The following ACOXL variants were observed in gnomAD, a reference collection of about 807,000 sequenced individuals.
ACOXL encodes acyl-coenzyme A oxidase-like protein.
A neutral mutation model predicts 71.9 loss-of-function variants in ACOXL; 70 were observed. That is an observed-to-expected ratio of 0.97 (90% confidence interval 0.80 to 1.19). ACOXL has a LOEUF of 1.19. Among genes scored for constraint, ACOXL ranks in the 50% most tolerant of loss-of-function variants. The pLI is 0.00. For synonymous variants in ACOXL, 253 were observed against 281.6 expected (o/e 0.90, Z 1.02); for missense variants, 703 against 736.3 (o/e 0.95, Z 0.52).
chr2:110,763,093 A>G (rs545215060), intron 1 of ACOXL, among the ~76,000 whole-genome samples: 14 of 152,340 alleles, frequency 9.2e-5, no homozygotes, highest in South Asian at 2.1e-4. Context: ...GGGATATTCT[A>G]TGTTCATGGA....
chr2:110,791,971 A>C (rs922213334), intron 3 of ACOXL, among the ~76,000 whole-genome samples: 6 of 151,980 alleles, frequency 3.9e-5, no homozygotes, highest in Admixed American at 3.3e-4. Flanking sequence ...CCTTCCCCCA[A>C]CCGGGTCCTC....
chr2:111,031,118 G>T (rs2065244338), intron 14 of ACOXL, among the ~76,000 whole-genome samples: 4 of 152,192 alleles, frequency 2.6e-5, no homozygotes, highest in Admixed American at 2.6e-4. Context: ...CCTATCTCCA[G>T]GTTTATGTTA....
intron 16 of ACOXL, among the ~76,000 whole-genome samples, chr2:111,092,341 C>T (rs2068570091): frequency 6.6e-6 from 1 of 152,166 alleles, no homozygotes; most frequent in Admixed American, 6.5e-5. Flanking sequence ...TGATGTGATG[C>T]AGAAGCTCTG....
chr2:110,846,639 A>ACGCGCG (rs199684051), intron 10 of ACOXL, among the ~76,000 whole-genome samples: 32 of 140,036 alleles, frequency 2.3e-4, no homozygotes, highest in African/African-American at 8.5e-4. Flanking sequence ...GTATGCATAC[A>ACGCGCG]CGCACACACA....
intron 1 of ACOXL, among the ~76,000 whole-genome samples, chr2:110,756,799 GTCTA>G (rs1326865075): frequency 6.6e-6 from 1 of 151,728 alleles, no homozygotes; most frequent in East Asian, 1.9e-4. Context: ...TATTCTATTG[GTCTA>G]TCTGCCTGTT....
At chr2:110,945,304 T>C (rs1321060728) in intron 12 of ACOXL, among the ~76,000 whole-genome samples, 1 of 152,196 alleles carries the variant, frequency 6.6e-6, no homozygotes, top group Non-Finnish European at 1.5e-5. Flanking sequence ...GTTTACTCTG[T>C]TGATAGTTTC....
chr2:110,995,828 T>C, intron 13 of ACOXL, 65 bp from the exon 14 acceptor site: 2 of 1,302,914 alleles, frequency 1.5e-6, no homozygotes, highest in Non-Finnish European at 1.1e-6. Context: ...CCTACTCTAT[T>C]TCTTTCAAAT....
chr2:110,796,906 A>G lies in ACOXL; in HGVS notation c.346-1704A>G, dbSNP rs1167566090. Among the ~76,000 whole-genome samples, 8 of 152,222 alleles carry G rather than the reference A, an allele frequency of 5.3e-5. 1 individual carries two copies. The South Asian group carries it at 1.0e-3, about 20-fold the overall frequency. On this transcript the variant is annotated intron_variant, in intron 5 of 17. Transcript: ENST00000439055. ...CTTGGCCAGCGGGAAAGTGTTGTCT[A>G]TATACTTTATAGTCTGAAATCTGAG...
At chr2:111,035,934 G>A (rs1404180765) in intron 15 of ACOXL, among the ~76,000 whole-genome samples, 1 of 152,136 alleles carries the variant, frequency 6.6e-6, no homozygotes, top group African/African-American at 2.4e-5. Context: ...CATCCTCTAG[G>A]AAATTACGGG....
intron 10 of ACOXL, among the ~76,000 whole-genome samples, chr2:110,896,640 T>A (rs6758344): frequency 0.31 from 47,364 of 152,026 alleles, 7,736 homozygotes; most frequent in Middle Eastern, 0.38. Flanking sequence ...ATAAAAGGAC[T>A]TTCAGTAATG....
At chr2:110,784,457 C>T (rs892022483) in intron 2 of ACOXL, among the ~76,000 whole-genome samples, 4 of 152,030 alleles carry the variant, frequency 2.6e-5, no homozygotes, top group East Asian at 1.9e-4. Context: ...GCGAGTCGGT[C>T]GCAGGGTTGC....
intron 12 of ACOXL, among the ~76,000 whole-genome samples, chr2:110,939,395 G>A (rs1482283685): frequency 6.6e-6 from 1 of 152,160 alleles, no homozygotes; most frequent in Non-Finnish European, 1.5e-5. Context: ...TTTCTGTGCA[G>A]TGGGTGTGTG....
chr2:111,013,738 A>G lies in ACOXL; in HGVS notation c.1281+17734A>G, dbSNP rs548174246. On this transcript the variant is annotated intron_variant, in intron 14 of 17. Transcript: ENST00000439055. ...TGGTTTTACTGTTGAATTCTATCAA[A>G]CATTTAAAGACAAAATAGTATCAGT... is the stretch of plus-strand genomic sequence containing the variant. 1.1e-4 allele frequency among the ~76,000 whole-genome samples: 16 copies of G among 152,304 alleles called. 1 individual carries two copies. Among genetic ancestry groups the G allele is most frequent in the Non-Finnish European group, 2.9e-5 (2 of 68,020 alleles).
chr2:110,868,490 T>C (rs1694883577), intron 10 of ACOXL, among the ~76,000 whole-genome samples: 1 of 152,246 alleles, frequency 6.6e-6, no homozygotes, highest in Admixed American at 6.5e-5. Flanking sequence ...CGTGAATCTA[T>C]TGGTTTTCAG....
At chr2:110,907,186 A>C (rs2059483263) in intron 10 of ACOXL, among the ~76,000 whole-genome samples, 1 of 152,146 alleles carries the variant, frequency 6.6e-6, no homozygotes, top group African/African-American at 2.4e-5. Context: ...GACAGCCGCC[A>C]CCTTGCTGTG....
At chr2:110,825,875 G>C (rs1277498103) in intron 9 of ACOXL, among the ~76,000 whole-genome samples, 1 of 152,104 alleles carries the variant, frequency 6.6e-6, no homozygotes, top group African/African-American at 2.4e-5. Context: ...TTGTCCTTCT[G>C]GTTGACTAGA....
intron 12 of ACOXL, among the ~76,000 whole-genome samples, chr2:110,951,596 T>C (rs926838857): frequency 6.6e-6 from 1 of 152,234 alleles, no homozygotes; most frequent in Non-Finnish European, 1.5e-5. Context: ...TGTGCAGATA[T>C]TCTCTATTAT....
chr2:110,741,945 G>A (rs1677599619), intron 1 of ACOXL, among the ~76,000 whole-genome samples: 1 of 152,164 alleles, frequency 6.6e-6, no homozygotes, highest in African/African-American at 2.4e-5. Context: ...GTGATTGCAC[G>A]TTTTCTTGCG....
intron 11 of ACOXL, among the ~76,000 whole-genome samples, chr2:110,931,460 C>G (rs2060475775): frequency 6.6e-6 from 1 of 151,982 alleles, no homozygotes; most frequent in Admixed American, 6.5e-5. Flanking sequence ...TAGTCACAGC[C>G]CGGAGCATGG....
Sources: gnomAD v4.1 joint callset for allele counts (sites outside exome capture counted in the v4.1 genomes callset) on GRCh38, gnomAD v4.1.1 for gene constraint, MANE v1.5 for transcripts, NCBI Gene and HGNC (gene_info 2026-07-23, HGNC 2026-07-21) for gene names.